Variants in DLG2 observed in about 807,000 individuals in gnomAD.
DLG2 encodes disks large homolog 2.
A neutral mutation model predicts 132.5 loss-of-function variants in DLG2; 45 were observed. The ratio of observed to expected loss-of-function variants is 0.34; its 90% CI spans 0.27 to 0.44. The LOEUF (loss-of-function observed/expected upper bound fraction) is 0.44, where lower values mean the gene tolerates loss of function less well. DLG2 is among the 20% of genes least tolerant of loss of function. The probability of loss-of-function intolerance (pLI) is 1.00; values close to 1 mark genes in which losing one functional copy is unlikely to be tolerated. For missense variants in DLG2, 1,045 were observed against 1,196.9 expected (o/e 0.87, Z 1.87); for synonymous variants, 424 against 419.6 (o/e 1.01, Z -0.13).
At chr11:84,255,837 T>A (rs982536087) in intron 7 of DLG2, among the ~76,000 whole-genome samples, 4 of 151,982 alleles carry the variant, frequency 2.6e-5, no homozygotes, top group African/African-American at 9.7e-5. Flanking sequence ...CTATAAGGGA[T>A]GAAGAAAAAA....
rs2096556188 is a variant in DLG2 at position 84,059,448 on chromosome 11, A to G, written c.786T>C (p.Asp262=). 1.9e-6 allele frequency: 3 copies of G among 1,611,882 alleles called. No homozygotes were observed. The highest frequency in any genetic ancestry group is 2.5e-6 in the Non-Finnish European group (3 of 1,179,028). The part of the protein sequence containing the change: ...NDCILRVNEV[D]VSEVSHSKAV... ...CTTTACTGTGGGAAACCTCTGACAC[A>G]TCAACCTCATTCACCCGCAAGATAC... The change falls in exon 11 of 28, where the codon GAT becomes GAC. Residue 262 remains aspartate (D), a synonymous_variant. Transcript: ENST00000376104.
chr11:83,720,305 A>AAAAAAAAAAAAAAAAAAAAAAAAC, intron 18 of DLG2, among the ~76,000 whole-genome samples: 1 of 141,654 alleles, frequency 7.1e-6, no homozygotes, highest in Non-Finnish European at 1.5e-5. Context: ...AAAAAAAAAA[A>AAAAAAAAAAAAAAAAAAAAAAAAC]AAAAAAAAAA....
At chr11:84,998,199 C>A (rs1295332474) in intron 6 of DLG2, among the ~76,000 whole-genome samples, 4 of 152,040 alleles carry the variant, frequency 2.6e-5, no homozygotes, top group African/African-American at 9.7e-5. Context: ...TGTTTCCTCA[C>A]CCAAATCTCA....
intron 18 of DLG2, among the ~76,000 whole-genome samples, chr11:83,761,832 T>C (rs1047198408): frequency 5.3e-5 from 8 of 152,202 alleles, no homozygotes; most frequent in East Asian, 1.9e-4. Context: ...CACAACAGCA[T>C]AGCAACTCAA....
chr11:84,036,151 A>G (rs546278467), intron 11 of DLG2, among the ~76,000 whole-genome samples: 1 of 152,224 alleles, frequency 6.6e-6, no homozygotes, highest in East Asian at 1.9e-4. Context: ...GAAGAGGTTG[A>G]TAGAGAAATA....
chr11:84,495,886 G>A (rs1370101778), intron 7 of DLG2, among the ~76,000 whole-genome samples: 1 of 152,116 alleles, frequency 6.6e-6, no homozygotes, highest in Admixed American at 6.6e-5. Context: ...AATGTCAGAG[G>A]AACATGTTGA....
intron 6 of DLG2, among the ~76,000 whole-genome samples, chr11:84,734,673 T>C (rs963309672): frequency 2.0e-5 from 3 of 152,174 alleles, no homozygotes; most frequent in African/African-American, 7.2e-5. Context: ...TCCAACACTA[T>C]GTTGAATAGG....
At chr11:84,081,486 C>T (rs1372523952) in intron 10 of DLG2, among the ~76,000 whole-genome samples, 1 of 151,472 alleles carries the variant, frequency 6.6e-6, no homozygotes, top group East Asian at 1.9e-4. Flanking sequence ...TAATTTCAAA[C>T]CCAGAAATAT....
chr11:84,556,264 G>C, intron 6 of DLG2, among the ~76,000 whole-genome samples: 1 of 152,180 alleles, frequency 6.6e-6, no homozygotes, highest in East Asian at 1.9e-4. Flanking sequence ...TTGGGGCCTA[G>C]TGGACAGTGG....
chr11:83,947,504 A>C (rs561901188), intron 14 of DLG2, among the ~76,000 whole-genome samples: 118 of 152,290 alleles, frequency 7.7e-4, no homozygotes, highest in African/African-American at 2.7e-3. Flanking sequence ...TTCACTTCTT[A>C]ACCTCACTCT....
rs150322292 is a variant in DLG2 at position 83,764,532 on chromosome 11, T to C, written c.1825+22158A>G. On this transcript the variant is annotated intron_variant, in intron 18 of 27. Transcript: ENST00000376104. ...GTGAGGTTGGATGGGAGTTACTCTA[T>C]CTTTCTGCCTGTCAACACTTGGGAT... 3.2e-3 allele frequency among the ~76,000 whole-genome samples: 492 copies of C among 152,316 alleles called. 3 individuals are homozygous for C. The highest frequency in any genetic ancestry group is 5.3e-3 in the Non-Finnish European group (363 of 68,016).
chr11:85,312,395 A>G (rs1018757535), intron 3 of DLG2, among the ~76,000 whole-genome samples: 1 of 150,680 alleles, frequency 6.6e-6, no homozygotes, highest in Non-Finnish European at 1.5e-5. Context: ...TTATAAGTAT[A>G]TAATTATAAT....
chr11:83,685,270 A>G (rs2153606010), intron 18 of DLG2, among the ~76,000 whole-genome samples: 1 of 152,300 alleles, frequency 6.6e-6, no homozygotes, highest in Admixed American at 6.5e-5. Flanking sequence ...GGCAACAGGT[A>G]ACATAAAACA....
rs2062541010 is a variant in DLG2 at position 85,048,203 on chromosome 11, T to A, written c.357+63458A>T. On this transcript the variant is annotated intron_variant, in intron 6 of 27. Coordinates refer to ENST00000376104, the MANE Select transcript of DLG2 (RefSeq NM_001142699.3). ...CTGTCAGACTAAAAATGACTAGATT[T>A]CAAGATTAATGAATGTTAACAAGAA... is the stretch of plus-strand genomic sequence containing the variant. 2.0e-5 allele frequency among the ~76,000 whole-genome samples: 3 copies of A among 151,966 alleles called. No individual in the cohort carries two copies. The South Asian group carries it at 6.2e-4, about 31-fold the overall frequency.
chr11:84,463,206 C>T (rs983072620), intron 7 of DLG2, among the ~76,000 whole-genome samples: 1 of 151,174 alleles, frequency 6.6e-6, no homozygotes, highest in Non-Finnish European at 1.5e-5. Flanking sequence ...ATTCTTTTCT[C>T]TTACCAGGCA....
Position 84,601,276 on chromosome 11 carries a change from C to T in DLG2, c.358-66545G>A, listed in dbSNP as rs1219873314. Among the ~76,000 whole-genome samples, 3 of 151,970 alleles carry T rather than the reference C, an allele frequency of 2.0e-5. No homozygotes were observed. In the East Asian group the frequency reaches 5.8e-4, roughly 29 times the overall value. ...TCATGCACATACAGAGAATATTGCT[C>T]TTCATTATTGACACATTTTTTCCAA... On this transcript the variant is annotated intron_variant, in intron 6 of 27. Transcript: ENST00000376104.
intron 6 of DLG2, among the ~76,000 whole-genome samples, chr11:84,709,232 C>T (rs576028787): frequency 5.3e-5 from 8 of 151,798 alleles, no homozygotes; most frequent in East Asian, 1.9e-4. Flanking sequence ...GAATACTCAG[C>T]GAAGGAAGAT....
chr11:84,810,962 G>C (rs1035660994), intron 6 of DLG2, among the ~76,000 whole-genome samples: 1 of 152,056 alleles, frequency 6.6e-6, no homozygotes, highest in African/African-American at 2.4e-5. Flanking sequence ...GCAATGAAAG[G>C]ACAACATGTG....
Position 83,877,962 on chromosome 11 carries a change from G to A in DLG2, c.1497-3474C>T, listed in dbSNP as rs140079690. Among the ~76,000 whole-genome samples, 412 of 152,250 alleles carry A rather than the reference G, an allele frequency of 2.7e-3. 2 individuals are homozygous for A. Among genetic ancestry groups the A allele is most frequent in the African/African-American group, 9.5e-3 (395 of 41,538 alleles). On this transcript the variant is annotated intron_variant, in intron 15 of 27. Coordinates refer to ENST00000376104, the MANE Select transcript of DLG2 (RefSeq NM_001142699.3). ...ACATTATTGGCTACATAAACAATGT[G>A]GTGTAGAGTTACCATCGCTAAGAAA... is the stretch of plus-strand genomic sequence containing the variant.
Sources: allele counts gnomAD v4.1 joint callset (sites outside exome capture counted in the v4.1 genomes callset), GRCh38; gene constraint gnomAD v4.1.1; transcripts MANE v1.5; gene names NCBI Gene and HGNC (gene_info 2026-07-23, HGNC 2026-07-21).